Variants in EDAR observed in about 807,000 individuals in gnomAD.
EDAR encodes ectodysplasin A receptor.
A neutral mutation model predicts 51.3 loss-of-function variants in EDAR; 38 were observed. The ratio of observed to expected loss-of-function variants is 0.74; its 90% CI spans 0.57 to 0.97. The LOEUF (loss-of-function observed/expected upper bound fraction) is 0.97. Among genes scored for constraint, EDAR ranks in the 50% least tolerant of loss-of-function variants. The probability of loss-of-function intolerance (pLI) is 0.00; values close to 1 mark genes in which losing one functional copy is unlikely to be tolerated. For synonymous variants in EDAR, 227 were observed against 242.1 expected (o/e 0.94, Z 0.58); for missense variants, 528 against 595.0 (o/e 0.89, Z 1.17).
At chr2:108,969,478 C>T (rs1291591838) in intron 1 of EDAR, among the ~76,000 whole-genome samples, 3 of 152,228 alleles carry the variant, frequency 2.0e-5, no homozygotes, top group African/African-American at 7.2e-5. Context: ...CCTCCAAAGG[C>T]ATACAGGTCC....
chr2:108,978,122 G>A (rs1698359468), intron 1 of EDAR, among the ~76,000 whole-genome samples: 1 of 152,216 alleles, frequency 6.6e-6, no homozygotes, highest in South Asian at 2.1e-4. Context: ...GGGCCCCAGA[G>A]GGCAAGGCTA....
intron 1 of EDAR, among the ~76,000 whole-genome samples, chr2:108,963,700 C>A (rs1194924926): frequency 6.6e-6 from 1 of 152,226 alleles, no homozygotes; most frequent in Non-Finnish European, 1.5e-5. Flanking sequence ...GAGAGCACTG[C>A]AGAATGTTGC....
chr2:108,980,567 G>A (rs902732646), intron 1 of EDAR, among the ~76,000 whole-genome samples: 9 of 152,124 alleles, frequency 5.9e-5, no homozygotes, highest in South Asian at 2.1e-4. Flanking sequence ...TGTATAAGTC[G>A]TTGAGTGGAC....
In EDAR at chr2:108,971,176, C is replaced by T. The variant is rs146005878; in HGVS notation, c.-19+17784G>A. 2.1e-4 allele frequency among the ~76,000 whole-genome samples: 32 copies of T among 152,272 alleles called. 1 individual carries two copies. The East Asian group carries it at 3.5e-3, about 17-fold the overall frequency. ...CTGATGGTGCTGGCTACATGTTTTC[C>T]GTCTCCAACTGGATTCCTTGTTCCA... On this transcript the variant is annotated intron_variant, in intron 1 of 11. Coordinates refer to ENST00000258443, the MANE Select transcript of EDAR (RefSeq NM_022336.4).
rs184876451 is a variant in EDAR at position 108,938,364 on chromosome 2, T to C, written c.-18-7332A>G. 7.9e-4 allele frequency among the ~76,000 whole-genome samples: 120 copies of C among 152,350 alleles called. 1 individual carries two copies. The highest frequency in any genetic ancestry group is 1.8e-4 in the Non-Finnish European group (12 of 68,028). On this transcript the variant is annotated intron_variant, in intron 1 of 11. Coordinates refer to ENST00000258443, the MANE Select transcript of EDAR (RefSeq NM_022336.4). ...GCTTCTCAGAATGCTAATTATGTTA[T>C]GAAGCAGGTGTGTGTGCACTTGTAC...
chr2:108,968,133 T>C (rs989490668), intron 1 of EDAR, among the ~76,000 whole-genome samples: 1 of 152,272 alleles, frequency 6.6e-6, no homozygotes, highest in East Asian at 1.9e-4. Context: ...AGCCACCACC[T>C]GGGGAAGGCG....
At chr2:108,976,340 A>T (rs968135899) in intron 1 of EDAR, among the ~76,000 whole-genome samples, 1 of 152,220 alleles carries the variant, frequency 6.6e-6, no homozygotes, top group Non-Finnish European at 1.5e-5. Flanking sequence ...TGGGTTTGAG[A>T]GGAAGACCAC....
chr2:108,976,755 T>A (rs1698329160), intron 1 of EDAR, among the ~76,000 whole-genome samples: 1 of 152,222 alleles, frequency 6.6e-6, no homozygotes, highest in Non-Finnish European at 1.5e-5. Context: ...GACTGGGAGC[T>A]CTTTTAGTTG....
chr2:108,910,330 G>C lies in EDAR; in HGVS notation c.803+130C>G, dbSNP rs546856195. The stretch of plus-strand genomic sequence containing the variant: ...AGTCAGCAAAGAGGTGGTGGGGACT[G>C]TCTGTCGCCGAACGTCCCCATAGTG... On this transcript the variant is annotated intron_variant, in intron 9 of 11. Coordinates refer to ENST00000258443, the MANE Select transcript of EDAR (RefSeq NM_022336.4). The C allele has an allele frequency of 1.9e-5, 14 of 739,230 alleles. No individual in the cohort carries two copies. The African/African-American group carries it at 2.4e-4, about 13-fold the overall frequency. 45.8% of individuals were successfully genotyped at this position (739,230 alleles called of 1,614,324 possible).
chr2:108,926,046 C>T (rs1697248007), intron 4 of EDAR, among the ~76,000 whole-genome samples: 1 of 152,190 alleles, frequency 6.6e-6, no homozygotes, highest in Non-Finnish European at 1.5e-5. Flanking sequence ...CTGCATGCAA[C>T]ATTTCTAAAT....
intron 1 of EDAR, among the ~76,000 whole-genome samples, chr2:108,951,718 G>A (rs540932624): frequency 6.6e-6 from 1 of 151,950 alleles, no homozygotes; most frequent in Non-Finnish European, 1.5e-5. Context: ...TCATTCTAAA[G>A]GTTCTTCCAT....
chr2:108,923,590 T>C (rs1697192531), intron 4 of EDAR, 137 bp from the exon 5 acceptor site: 1 of 733,036 alleles, frequency 1.4e-6, no homozygotes, highest in Non-Finnish European at 2.5e-6. Flanking sequence ...CTCAGTCACC[T>C]GCTCTGTCCA....
chr2:108,952,283 G>T (rs1057050452), intron 1 of EDAR, among the ~76,000 whole-genome samples: 2 of 152,152 alleles, frequency 1.3e-5, no homozygotes, highest in African/African-American at 4.8e-5. Context: ...CATGTGAAGG[G>T]GACTGGGAGA....
chr2:108,895,554 TTTTA>T lies in EDAR; in HGVS notation c.*1349_*1352del, dbSNP rs1471184729. Reference sequence around the variant, plus strand: ...AAATGCCAAGTCTGAGTTTTTCTGTTTTTATTCCCATTTAAATGGACAAACCACA... The same window carrying T: ...AAATGCCAAGTCTGAGTTTTTCTGTTTTCCCATTTAAATGGACAAACCACA... On this transcript the variant is annotated 3_prime_UTR_variant, in exon 12 of 12. Transcript: ENST00000258443. 4 of 152,336 alleles carry T rather than the reference TTTTA, an allele frequency of 2.6e-5. No individual in the cohort carries two copies. The highest frequency in any genetic ancestry group is 9.6e-5 in the African/African-American group (4 of 41,568). 9.4% of individuals were successfully genotyped at this position (152,336 alleles called of 1,614,324 possible). A position where few individuals can be genotyped will look rare whatever the true frequency, so the allele number is the denominator to read the frequency against.
intron 11 of EDAR, among the ~76,000 whole-genome samples, chr2:108,900,568 A>C (rs907759411): frequency 4.8e-5 from 4 of 83,406 alleles, no homozygotes; most frequent in Non-Finnish European, 6.4e-5. Context: ...AAGAAAAAAA[A>C]AAAAACAAAA....
chr2:108,950,864 G>A (rs1697812966), intron 1 of EDAR, among the ~76,000 whole-genome samples: 1 of 152,228 alleles, frequency 6.6e-6, no homozygotes, highest in Non-Finnish European at 1.5e-5. Context: ...TGGAGCAAGG[G>A]ACCCAGGCCT....
intron 1 of EDAR, among the ~76,000 whole-genome samples, chr2:108,965,672 G>C (rs10205546): frequency 6.6e-6 from 1 of 152,064 alleles, no homozygotes; most frequent in Non-Finnish European, 1.5e-5. Context: ...GACTGCTGCA[G>C]TGGGAGAGCT....
chr2:108,900,461 G>A (rs1696678577), intron 11 of EDAR, among the ~76,000 whole-genome samples: 1 of 151,924 alleles, frequency 6.6e-6, no homozygotes, highest in Admixed American at 6.6e-5. Context: ...GGCTGAGGCA[G>A]GAGAACCACT....
Position 108,911,038 on chromosome 2 carries a change from C to G in EDAR, c.564G>C (p.Leu188=). 1 of 1,614,166 alleles carries G rather than the reference C, an allele frequency of 6.2e-7. No individual in the cohort carries two copies. The highest frequency in any genetic ancestry group is 8.5e-7 in the Non-Finnish European group (1 of 1,180,042). Residue 188 remains leucine (L), a synonymous_variant, in exon 7 of 12, where the codon CTG becomes CTC. Transcript: ENST00000258443. ...TGAAGATGGTGGACATTGCAATGAT[C>G]AGGGCAGTGGCCAGGTGTCCTTGGC... The part of the protein sequence containing the change: ...LSGQGHLATA[L]IIAMSTIFIM...
Sources: allele counts gnomAD v4.1 joint callset (sites outside exome capture counted in the v4.1 genomes callset), GRCh38; gene constraint gnomAD v4.1.1; transcripts MANE v1.5; gene names NCBI Gene and HGNC (gene_info 2026-07-23, HGNC 2026-07-21).